IQCM: variants seen among roughly 807,000 people sequenced by gnomAD.
IQCM encodes the protein IQ motif containing M.
A neutral mutation model predicts 57.6 loss-of-function variants in IQCM; 45 were observed. The ratio of observed to expected loss-of-function variants is 0.78; its 90% confidence interval spans 0.62 to 1.00. The LOEUF (loss-of-function observed/expected upper bound fraction) is 1.00, where lower values mean the gene tolerates loss of function less well. Among genes scored for constraint, IQCM ranks in the 50% least tolerant of loss-of-function variants. The pLI is 0.00. For synonymous variants in IQCM, 148 were observed against 158.9 expected (o/e 0.93, Z 0.51); for missense variants, 468 against 511.6 (o/e 0.91, Z 0.82).
intron 13 of IQCM, among the ~76,000 whole-genome samples, chr4:149,363,714 A>G (rs1164757301): frequency 6.6e-6 from 1 of 152,190 alleles, no homozygotes; most frequent in African/African-American, 2.4e-5. Context: ...GCTAAAACAT[A>G]TTGTATTTCT....
chr4:149,526,681 A>T (rs1483300208), intron 12 of IQCM, among the ~76,000 whole-genome samples: 1 of 152,026 alleles, frequency 6.6e-6, no homozygotes, highest in Non-Finnish European at 1.5e-5. Flanking sequence ...AACTAAAATG[A>T]GCTGATATTG....
In IQCM at chr4:149,589,131, A is replaced by T. The variant is rs543786071; in HGVS notation, c.682-1134T>A. Among the ~76,000 whole-genome samples, 5 of 152,094 alleles carry T rather than the reference A, an allele frequency of 3.3e-5. No homozygotes were observed. The South Asian group carries it at 8.3e-4, about 25-fold the overall frequency. On this transcript the variant is annotated intron_variant, in intron 8 of 13. Transcript: ENST00000636793. ...AGAGGCACTGATGGCTTGCATATCT[A>T]CTTTATAATCTTCCAGGACAATTTT...
At chr4:149,716,163 A>C (rs1015804028) in intron 5 of IQCM, among the ~76,000 whole-genome samples, 7 of 152,086 alleles carry the variant, frequency 4.6e-5, no homozygotes, top group Non-Finnish European at 1.0e-4. Context: ...CACAGCACCC[A>C]AGCTGTTCAT....
chr4:149,533,299 T>C (rs1280628958), intron 12 of IQCM, among the ~76,000 whole-genome samples: 1 of 152,060 alleles, frequency 6.6e-6, no homozygotes, highest in Non-Finnish European at 1.5e-5. Flanking sequence ...AAGAAATAAA[T>C]AAGCATCTCT....
chr4:149,397,175 G>A (rs1370578255), intron 13 of IQCM, among the ~76,000 whole-genome samples: 1 of 151,012 alleles, frequency 6.6e-6, no homozygotes, highest in Non-Finnish European at 1.5e-5. Flanking sequence ...ATGTGCAAGT[G>A]TTCCAGTTTC....
intron 12 of IQCM, among the ~76,000 whole-genome samples, chr4:149,543,744 TA>T (rs1271733724): frequency 2.3e-4 from 6 of 25,680 alleles, no homozygotes; most frequent in African/African-American, 5.5e-4. Flanking sequence ...ATAATAGAAA[TA>T]AAAAAAGTGA....
chr4:149,748,273 A>G (rs1340131943), intron 2 of IQCM, among the ~76,000 whole-genome samples: 1 of 152,194 alleles, frequency 6.6e-6, no homozygotes, highest in African/African-American at 2.4e-5. Context: ...CCTTCTGGAT[A>G]TAAGTTTTCA....
At position 149,716,828 on chromosome 4, in the gene IQCM, T is replaced by C. The variant is rs116388356; in HGVS notation, c.385+16416A>G. 2.4e-3 allele frequency among the ~76,000 whole-genome samples: 363 copies of C among 152,160 alleles called. 2 individuals carry two copies. Among genetic ancestry groups the C allele is most frequent in the African/African-American group, 8.5e-3 (351 of 41,534 alleles). ...TCCAAGTAACCAATTCATCAGAAAATCCTTTAGGTTCTTTGGAAAGGAGAG... is the reference window on the plus strand; with the variant it reads ...TCCAAGTAACCAATTCATCAGAAAACCCTTTAGGTTCTTTGGAAAGGAGAG... On this transcript the variant is annotated intron_variant, in intron 5 of 13. Transcript: ENST00000636793.
intron 8 of IQCM, among the ~76,000 whole-genome samples, chr4:149,594,281 T>C (rs1753535630): frequency 6.6e-6 from 1 of 152,206 alleles, no homozygotes; most frequent in African/African-American, 2.4e-5. Context: ...GCAGTCTGTA[T>C]TTCTATGGGA....
chr4:149,635,077 C>T (rs904861591), intron 7 of IQCM, among the ~76,000 whole-genome samples: 1 of 151,972 alleles, frequency 6.6e-6, no homozygotes, highest in Non-Finnish European at 1.5e-5. Flanking sequence ...TTTTCCAATG[C>T]CAAGAAAAGT....
intron 7 of IQCM, among the ~76,000 whole-genome samples, chr4:149,636,869 C>T (rs151175646): frequency 6.6e-6 from 1 of 152,060 alleles, no homozygotes; most frequent in African/African-American, 2.4e-5. Context: ...AGCGGCCGGG[C>T]GCGGTGGCTC....
At chr4:149,777,322 G>A (rs1580271863) in intron 2 of IQCM, among the ~76,000 whole-genome samples, 1 of 152,180 alleles carries the variant, frequency 6.6e-6, no homozygotes, top group African/African-American at 2.4e-5. Context: ...ATGCAGACAA[G>A]GGAAAAAATG....
chr4:149,407,111 TACTC>T (rs1387095358), intron 13 of IQCM, among the ~76,000 whole-genome samples: 2 of 152,082 alleles, frequency 1.3e-5, no homozygotes, highest in African/African-American at 4.8e-5. Context: ...TCGTGAGACT[TACTC>T]ACTACGATGA....
chr4:149,518,135 G>A (rs1204177020), intron 12 of IQCM, among the ~76,000 whole-genome samples: 1 of 151,978 alleles, frequency 6.6e-6, no homozygotes, highest in Non-Finnish European at 1.5e-5. Flanking sequence ...CAACACCAAA[G>A]GATGAAAAAA....
At chr4:149,530,415 T>C (rs1475549673) in intron 12 of IQCM, among the ~76,000 whole-genome samples, 2 of 152,102 alleles carry the variant, frequency 1.3e-5, no homozygotes, top group African/African-American at 4.8e-5. Context: ...AATTAGTGAA[T>C]GGGAGAGAAA....
chr4:149,562,713 G>C (rs577343129), intron 10 of IQCM, among the ~76,000 whole-genome samples: 154 of 152,220 alleles, frequency 1.0e-3, no homozygotes, highest in Middle Eastern at 3.4e-3. Flanking sequence ...CCTTTTGCCA[G>C]AGTTTTACAT....
chr4:149,473,084 C>T (rs914376700), intron 12 of IQCM, among the ~76,000 whole-genome samples: 2 of 152,174 alleles, frequency 1.3e-5, no homozygotes, highest in African/African-American at 4.8e-5. Context: ...ATGACTAAAA[C>T]ACCAACAGCA....
At chr4:149,477,654 A>G (rs772141557) in intron 12 of IQCM, among the ~76,000 whole-genome samples, 1 of 152,194 alleles carries the variant, frequency 6.6e-6, no homozygotes, top group African/African-American at 2.4e-5. Context: ...GGATGAAATT[A>G]TGCTTTCAGA....
intron 9 of IQCM, among the ~76,000 whole-genome samples, chr4:149,566,662 A>C (rs1192573548): frequency 1.3e-5 from 2 of 152,198 alleles, no homozygotes; most frequent in Non-Finnish European, 2.9e-5. Context: ...AAGAAATACA[A>C]GCATGTTTAC....
Sources: gnomAD v4.1 joint callset for allele counts (sites outside exome capture counted in the v4.1 genomes callset) on GRCh38, gnomAD v4.1.1 for gene constraint, MANE v1.5 for transcripts, NCBI Gene and HGNC (gene_info 2026-07-23, HGNC 2026-07-21) for gene names.